Variants in NBPF9 observed in about 807,000 individuals in gnomAD.
The protein encoded by NBPF9 is NBPF member 9, also known as NBPF family member NBPF9.
A neutral mutation model predicts 97.8 loss-of-function variants in NBPF9; 91 were observed. The observed-to-expected ratio is 0.93, with a 90% CI of 0.79 to 1.11. NBPF9 has a LOEUF of 1.11. NBPF9 is among the 50% of genes least tolerant of loss of function. The pLI, the probability that NBPF9 is intolerant of heterozygous loss-of-function variation, is 0.00. For missense variants in NBPF9, 992 were observed against 939.5 expected (o/e 1.06, Z -0.73); for synonymous variants, 334 against 359.5 (o/e 0.93, Z 0.80).
exon 30 of NBPF9, chr1:149,055,653 T>C: frequency 6.2e-7 from 1 of 1,611,846 alleles, no homozygotes; most frequent in Non-Finnish European, 8.5e-7. Flanking sequence ...TAGTAAGGGC[T>C]GCTTATTGTG....
At chr1:149,097,075 A>T (rs1170032081) in intron 4 of NBPF9, among the ~76,000 whole-genome samples, 1 of 133,938 alleles carries the variant, frequency 7.5e-6, no homozygotes, top group Non-Finnish European at 1.6e-5. Flanking sequence ...GGAAGGAGGA[A>T]GGGAGGAAGG....
intron 20 of NBPF9, among the ~76,000 whole-genome samples, 167 bp downstream of exon 20, chr1:149,063,466 G>A (rs1158318594): frequency 6.9e-6 from 1 of 144,998 alleles, no homozygotes; most frequent in Admixed American, 6.8e-5. Flanking sequence ...CCCATCCCTT[G>A]TCTGGGCTTC....
At chr1:149,067,359 G>A (rs1233708702) in intron 17 of NBPF9, among the ~76,000 whole-genome samples, 1 of 126,314 alleles carries the variant, frequency 7.9e-6, no homozygotes, top group Non-Finnish European at 1.7e-5. Flanking sequence ...TGTGCACAAC[G>A]TGCAGGTTAG....
chr1:149,093,324 C>T (rs1232968787), intron 4 of NBPF9, among the ~76,000 whole-genome samples: 1 of 152,040 alleles, frequency 6.6e-6, no homozygotes, highest in African/African-American at 2.4e-5. Context: ...TACACCGAGA[C>T]ATTCCATTAC....
chr1:149,060,362 C>A lies in NBPF9; in HGVS notation c.2476+161G>T, dbSNP rs1221505144. The A allele has an allele frequency of 1.1e-5, 5 of 466,216 alleles. 1 individual carries two copies. Among genetic ancestry groups the A allele is most frequent in the Non-Finnish European group, 2.0e-5 (5 of 252,386 alleles). 28.9% of individuals were successfully genotyped at this position (466,216 alleles called of 1,614,324 possible). On this transcript the variant is annotated intron_variant, in intron 24 of 29. Coordinates refer to ENST00000584027, the Ensembl canonical transcript of NBPF9. ...CCCACTGACCCATCCCTCATCTGGG[C>A]TTCCAGGTAGAACTAGAGTTTCATT... is the stretch of plus-strand genomic sequence containing the variant.
In NBPF9 at chr1:149,056,323, G is replaced by A. The variant is rs587596463; in HGVS notation, c.3092+189C>T. 8.4e-5 allele frequency among the ~76,000 whole-genome samples: 10 copies of A among 118,670 alleles called. No homozygotes were observed. In the South Asian group the frequency reaches 1.7e-3, roughly 20 times the overall value. The allele number at this position is 118,670 out of a possible 152,430, so 77.9% of individuals were successfully genotyped here. A position where few individuals can be genotyped will look rare whatever the true frequency, so the allele number is the denominator to read the frequency against. ...TTGAAGTATGGTCAACCTATGGTAC[G>A]TTAGGAAATGATAAGGGGAGGAAGA... On this transcript the variant is annotated intron_variant, in intron 29 of 29. Coordinates refer to ENST00000584027, the Ensembl canonical transcript of NBPF9.
intron 8 of NBPF9, among the ~76,000 whole-genome samples, 158 bp downstream of exon 8, chr1:149,079,895 T>C (rs2080260265): frequency 6.6e-6 from 1 of 152,300 alleles, no homozygotes; most frequent in Non-Finnish European, 1.5e-5. Flanking sequence ...CTTATTATTA[T>C]CCTTGTTCTC....
intron 4 of NBPF9, among the ~76,000 whole-genome samples, chr1:149,095,519 GA>G (rs2081689760): frequency 6.9e-6 from 1 of 145,138 alleles, no homozygotes; most frequent in Non-Finnish European, 1.5e-5. Flanking sequence ...TAAGAGAATG[GA>G]AAAAGCAAGT....
intron 12 of NBPF9, among the ~76,000 whole-genome samples, chr1:149,075,181 C>T (rs1397226228): frequency 6.6e-6 from 1 of 151,758 alleles, no homozygotes; most frequent in Non-Finnish European, 1.5e-5. Context: ...CCTCTTGAAG[C>T]CCCTCAGAGC....
In NBPF9 at chr1:149,077,191, AG is replaced by A; in HGVS notation, c.778+16del. 1 of 1,367,356 alleles carries A rather than the reference AG, an allele frequency of 7.3e-7. No homozygotes were observed. The highest frequency in any genetic ancestry group is 1.0e-6 in the Non-Finnish European group (1 of 959,704). 84.7% of individuals were successfully genotyped at this position (1,367,356 alleles called of 1,614,324 possible). On this transcript the variant is annotated intron_variant, in intron 11 of 29. Coordinates refer to ENST00000584027, the Ensembl canonical transcript of NBPF9. ...AGCCTAGACAGAGGTATGAGACACAAGGAAAATAGAGGCTACCTGGGAGAAT... is the reference window on the plus strand; with the variant it reads ...AGCCTAGACAGAGGTATGAGACACAAGAAAATAGAGGCTACCTGGGAGAAT...
chr1:149,079,496 G>A (rs79382276), intron 8 of NBPF9, among the ~76,000 whole-genome samples: 95,878 of 149,576 alleles, frequency 0.64, 31,954 homozygotes, highest in African/African-American at 0.84. Flanking sequence ...TTCCCTTTCA[G>A]AAAGACATCT....
chr1:149,089,891 T>G (rs2081304043), intron 5 of NBPF9, among the ~76,000 whole-genome samples: 1 of 152,110 alleles, frequency 6.6e-6, no homozygotes, highest in Non-Finnish European at 1.5e-5. Flanking sequence ...TGCAAGAGAA[T>G]AGAAGAGATG....
At chr1:149,074,773 TA>T (rs1215127397) in intron 12 of NBPF9, among the ~76,000 whole-genome samples, 1 of 151,106 alleles carries the variant, frequency 6.6e-6, no homozygotes, top group African/African-American at 2.4e-5. Flanking sequence ...CTCACCAAGC[TA>T]CTCTCTGCTT....
At chr1:149,071,005 T>C (rs782667284) in exon 16 of NBPF9, 78 of 1,612,106 alleles carry the variant, frequency 4.8e-5, no homozygotes, top group Non-Finnish European at 6.2e-5. Context: ...GTCGACTTTG[T>C]CTTCCTCAAA....
At chr1:149,077,446 A>T in intron 10 of NBPF9, 27 bp from the exon 11 acceptor site, 1 of 1,605,524 alleles carries the variant, frequency 6.2e-7, no homozygotes, top group South Asian at 1.1e-5. Context: ...GACAGAGATG[A>T]CAGAAGATTA....
intron 5 of NBPF9, among the ~76,000 whole-genome samples, chr1:149,086,332 AG>A (rs2080998523): frequency 6.6e-6 from 1 of 151,662 alleles, no homozygotes; most frequent in African/African-American, 2.4e-5. Flanking sequence ...ATGTAACAAA[AG>A]CCCACCAAGA....
chr1:149,082,399 G>C (rs1482664608), exon 6 of NBPF9: 4 of 1,098,366 alleles, frequency 3.6e-6, no homozygotes, highest in Non-Finnish European at 5.2e-6. Flanking sequence ...ATAAGAGTGA[G>C]GTAGATTGTG....
At chr1:149,100,818 G>A (rs368901965) in intron 3 of NBPF9, among the ~76,000 whole-genome samples, 6 of 151,700 alleles carry the variant, frequency 4.0e-5, no homozygotes, top group Non-Finnish European at 7.4e-5. Flanking sequence ...TCCTATAGTC[G>A]CAGCTACTCA....
downstream of NBPF9, among the ~76,000 whole-genome samples, chr1:149,053,872 T>C (rs1553648060): frequency 6.9e-6 from 1 of 145,892 alleles, no homozygotes; most frequent in South Asian, 2.2e-4. Context: ...CCTTCCTAAA[T>C]GCCAAAGGCA....
Sources: allele counts gnomAD v4.1 joint callset (sites outside exome capture counted in the v4.1 genomes callset), GRCh38; gene constraint gnomAD v4.1.1; transcripts MANE v1.5; gene names NCBI Gene and HGNC (gene_info 2026-07-23, HGNC 2026-07-21).